The following IFT88 variants were observed in gnomAD, a reference collection of about 807,000 sequenced individuals.
IFT88 encodes the protein intraflagellar transport 88, also known as intraflagellar transport protein 88 homolog.
In IFT88, 74 loss-of-function variants were observed where a neutral mutation model predicts 119.5. The ratio of observed to expected loss-of-function variants is 0.62; its 90% CI spans 0.51 to 0.75. The LOEUF (loss-of-function observed/expected upper bound fraction) is 0.75, where lower values mean the gene tolerates loss of function less well. IFT88 is among the 30% of genes least tolerant of loss of function. The probability of loss-of-function intolerance (pLI) is 0.00; values close to 1 mark genes in which losing one functional copy is unlikely to be tolerated. For missense variants in IFT88, 961 were observed against 977.7 expected (o/e 0.98, Z 0.23); for synonymous variants, 279 against 316.7 (o/e 0.88, Z 1.26).
intron 11 of IFT88, among the ~76,000 whole-genome samples, chr13:20,600,530 C>T (rs2042417372): frequency 6.6e-6 from 1 of 152,002 alleles, no homozygotes; most frequent in African/African-American, 2.4e-5. Context: ...TATGAATAAA[C>T]TAATTGAGTT....
At chr13:20,643,969 T>C (rs963316718) in intron 19 of IFT88, among the ~76,000 whole-genome samples, 17 of 152,148 alleles carry the variant, frequency 1.1e-4, no homozygotes, top group Non-Finnish European at 2.1e-4. Context: ...GCCAGGCCAG[T>C]CTCGAACTCC....
chr13:20,581,081 C>T (rs906069731), intron 2 of IFT88, among the ~76,000 whole-genome samples: 1 of 152,120 alleles, frequency 6.6e-6, no homozygotes, highest in Non-Finnish European at 1.5e-5. Context: ...GGTTGTTGCA[C>T]TGTGGCTGCA....
At chr13:20,574,968 G>T (rs1260081064) in intron 2 of IFT88, among the ~76,000 whole-genome samples, 4 of 151,834 alleles carry the variant, frequency 2.6e-5, no homozygotes, top group African/African-American at 7.3e-5. Context: ...CAAACAATCC[G>T]ATTATATTCT....
At chr13:20,676,258 T>TA (rs2056643435) in intron 24 of IFT88, among the ~76,000 whole-genome samples, 1 of 152,200 alleles carries the variant, frequency 6.6e-6, no homozygotes, top group Non-Finnish European at 1.5e-5. Flanking sequence ...CATCACATCT[T>TA]ATGTGAACAA....
chr13:20,670,420 G>A (rs561246058), intron 23 of IFT88, among the ~76,000 whole-genome samples: 23 of 152,036 alleles, frequency 1.5e-4, no homozygotes, highest in African/African-American at 4.3e-4. Flanking sequence ...CTTTGAAGGC[G>A]AGTCTGTATC....
chr13:20,673,475 T>G (rs916668837), intron 24 of IFT88, among the ~76,000 whole-genome samples: 20 of 152,310 alleles, frequency 1.3e-4, no homozygotes, highest in African/African-American at 4.1e-4. Flanking sequence ...AACAGATTGA[T>G]CAGTGTGCCT....
intron 5 of IFT88, among the ~76,000 whole-genome samples, chr13:20,591,411 T>C (rs1356770416): frequency 6.6e-6 from 1 of 152,148 alleles, no homozygotes; most frequent in African/African-American, 2.4e-5. Flanking sequence ...TTTAAAACTA[T>C]AGCCCAATTA....
intron 18 of IFT88, chr13:20,642,033 A>C (rs2050037350): frequency 6.6e-6 from 1 of 152,210 alleles, no homozygotes; most frequent in African/African-American, 2.4e-5. Context: ...TAGCTTTCTT[A>C]ATAAGCCCTG....
chr13:20,668,806 G>A (rs571438392), intron 23 of IFT88, among the ~76,000 whole-genome samples: 1 of 152,334 alleles, frequency 6.6e-6, no homozygotes, highest in African/African-American at 2.4e-5. Context: ...ACCCATCCAT[G>A]CAGGGTCCAT....
rs776162848 is a variant in IFT88, at chr13:20,643,480, C to T, written c.1708C>T (p.Gln570Ter). The T allele has an allele frequency of 6.2e-7, 1 of 1,603,392 alleles. No individual in the cohort carries two copies. The highest frequency in any genetic ancestry group is 1.3e-5 in the African/African-American group (1 of 74,336). The change falls in exon 19 of 26, where the codon CAA becomes TAA. Residue 570 changes from glutamine (Q) to a stop codon, truncating the protein, a stop_gained. Coordinates refer to ENST00000351808, the MANE Select transcript of IFT88 (RefSeq NM_006531.5). LOFTEE classifies it high-confidence loss of function. ...NIYELMENPS[Q>*]AIEWLMQVVS... Reference sequence around the variant, plus strand: ...ATATGAATTAATGGAAAATCCCAGTCAAGCTATTGAATGGCTAATGCAGGT... The same window carrying T: ...ATATGAATTAATGGAAAATCCCAGTTAAGCTATTGAATGGCTAATGCAGGT...
Position 20,640,636 on chromosome 13 carries a change from T to A in IFT88, c.1574-654T>A, listed in dbSNP as rs2049782421. On this transcript the variant is annotated intron_variant, in intron 17 of 25. Transcript: ENST00000351808. ...TACAAATTAATGTATAGTCAGTTGTTCTGGCACCACTTATTACTAGCACTT... is the reference window on the plus strand; with the variant it reads ...TACAAATTAATGTATAGTCAGTTGTACTGGCACCACTTATTACTAGCACTT... 2.6e-5 allele frequency among the ~76,000 whole-genome samples: 4 copies of A among 152,112 alleles called. No individual in the cohort carries two copies. The East Asian group carries it at 7.7e-4, about 29-fold the overall frequency.
In IFT88 at chr13:20,674,720, A is replaced by T. The variant is rs1484794065; in HGVS notation, c.2242+3681A>T. Among the ~76,000 whole-genome samples, 228 of 28,392 alleles carry T rather than the reference A, an allele frequency of 8.0e-3. 15 individuals are homozygous for T. The highest frequency in any genetic ancestry group is 0.022 in the African/African-American group (143 of 6,580). The allele number at this position is 28,392 out of a possible 152,430, so 18.6% of individuals were successfully genotyped here. On this transcript the variant is annotated intron_variant, in intron 24 of 25. Coordinates refer to ENST00000351808, the MANE Select transcript of IFT88 (RefSeq NM_006531.5). The stretch of plus-strand genomic sequence containing the variant: ...TGAAGTTTTATATATATATATATAT[A>T]TATATTTTTTTTTTTTTTTTTTTTT...
intron 13 of IFT88, among the ~76,000 whole-genome samples, chr13:20,613,618 C>T (rs1029661004): frequency 6.6e-6 from 1 of 152,008 alleles, no homozygotes; most frequent in Non-Finnish European, 1.5e-5. Context: ...CACATGACAA[C>T]TTGTATACAG....
intron 20 of IFT88, among the ~76,000 whole-genome samples, chr13:20,646,588 G>C (rs1432225750): frequency 6.6e-6 from 1 of 151,984 alleles, no homozygotes; most frequent in African/African-American, 2.4e-5. Context: ...AAAGTGCTGG[G>C]ATTACAGGCG....
intron 13 of IFT88, among the ~76,000 whole-genome samples, chr13:20,606,162 CTAAAGCCT>C (rs1183168411): frequency 6.6e-6 from 1 of 152,146 alleles, no homozygotes; most frequent in Non-Finnish European, 1.5e-5. Flanking sequence ...ACTTTAACCC[CTAAAGCCT>C]GTTCCATTCC....
chr13:20,659,949 A>G (rs2053520456), intron 22 of IFT88, among the ~76,000 whole-genome samples: 2 of 152,098 alleles, frequency 1.3e-5, no homozygotes, highest in African/African-American at 4.8e-5. Context: ...GTCTACTTTA[A>G]TGGTCTTAAA....
At chr13:20,596,888 C>T (rs1208232589) in intron 8 of IFT88, 127 bp from the exon 9 acceptor site, 1 of 544,446 alleles carries the variant, frequency 1.8e-6, no homozygotes, top group Non-Finnish European at 3.2e-6. Context: ...GGTAAGAGCA[C>T]ACAGGGGTGT....
chr13:20,574,597 A>G lies in IFT88; in HGVS notation c.90+122A>G, dbSNP rs912122272. The G allele has an allele frequency of 1.0e-5, 5 of 496,976 alleles. No individual in the cohort carries two copies. The South Asian group carries it at 1.8e-4, about 18-fold the overall frequency. The allele number at this position is 496,976 out of a possible 1,614,324, so 30.8% of individuals were successfully genotyped here. On this transcript the variant is annotated intron_variant, in intron 2 of 25. Coordinates refer to ENST00000351808, the MANE Select transcript of IFT88 (RefSeq NM_006531.5). ...TAAATAAGCTGATTCAAAAACCTAG[A>G]AAAGTGCTATTACAGAAGACTCTAC...
chr13:20,684,452 T>C (rs1231699361), intron 24 of IFT88, among the ~76,000 whole-genome samples: 2 of 152,194 alleles, frequency 1.3e-5, no homozygotes, highest in Non-Finnish European at 2.9e-5. Flanking sequence ...ACACTCTCCT[T>C]CTTCCTCTGA....
Sources: allele counts gnomAD v4.1 joint callset (sites outside exome capture counted in the v4.1 genomes callset), GRCh38; gene constraint gnomAD v4.1.1; transcripts MANE v1.5; gene names NCBI Gene and HGNC (gene_info 2026-07-23, HGNC 2026-07-21).